The following PLEKHA4 variants were observed in gnomAD, a reference collection of about 807,000 sequenced individuals.
PLEKHA4 encodes the protein pleckstrin homology domain-containing family A member 4.
In PLEKHA4, 73 loss-of-function variants were observed where a neutral mutation model predicts 94.7. The ratio of observed to expected loss-of-function variants is 0.77; its 90% CI spans 0.64 to 0.94. The LOEUF is 0.94. Ranked by LOEUF, PLEKHA4 falls within the 40% of genes least tolerant of loss-of-function variation. PLEKHA4 has a pLI of 0.00. For missense variants in PLEKHA4, 1,049 were observed against 1,054.1 expected, an observed-to-expected ratio of 1.00 and a Z score of 0.07; for synonymous variants, 449 against 437.1, an observed-to-expected ratio of 1.03 and a Z score of -0.34.
intron 3 of PLEKHA4, among the ~76,000 whole-genome samples, chr19:48,865,202 G>A (rs919477581): frequency 1.3e-5 from 2 of 151,994 alleles, no homozygotes; most frequent in Non-Finnish European, 2.9e-5. Flanking sequence ...ATATTAGCTA[G>A]GCATGATGGT....
Position 48,845,709 on chromosome 19 carries a change from G to A in PLEKHA4, c.1567-93C>T, listed in dbSNP as rs1013840778. The A allele has an allele frequency of 9.2e-6, 10 of 1,086,056 alleles. No individual in the cohort carries two copies. In the African/African-American group the frequency reaches 1.6e-4, roughly 17 times the overall value. The allele number at this position is 1,086,056 out of a possible 1,614,324, so 67.3% of individuals were successfully genotyped here. Reference sequence around the variant, plus strand: ...GCATTTAGGCATTGGAATACAGTCTGAATAGGATTCAGACCATAAACCAGG... The same window carrying A: ...GCATTTAGGCATTGGAATACAGTCTAAATAGGATTCAGACCATAAACCAGG... On this transcript the variant is annotated intron_variant, in intron 14 of 19. Coordinates refer to ENST00000263265, the MANE Select transcript of PLEKHA4 (RefSeq NM_020904.3).
rs1472870392 is a variant in PLEKHA4 at position 48,857,456 on chromosome 19, C to T, written c.1013G>A (p.Arg338Gln). 2 of 1,564,202 alleles carry T rather than the reference C, an allele frequency of 1.3e-6. No individual in the cohort carries two copies. The highest frequency in any genetic ancestry group is 1.7e-6 in the Non-Finnish European group (2 of 1,161,148). ...GSPTYLQLPP[R>Q]PPGTRASMVL... ...CATGGAGGCCCGGGTCCCAGGGGGC[C>T]GCGGGGGGAGCTGGAGATAAGTGGG... is the stretch of plus-strand genomic sequence containing the variant. Residue 338 changes from arginine (R) to glutamine (Q), a missense_variant, in exon 9 of 20, where the codon CGG (arginine) becomes CAG (glutamine). By Grantham distance (43) the Arg-to-Gln change is conservative. Coordinates refer to ENST00000263265, the MANE Select transcript of PLEKHA4 (RefSeq NM_020904.3).
intron 14 of PLEKHA4, among the ~76,000 whole-genome samples, chr19:48,846,070 T>C (rs987363158): frequency 1.3e-5 from 2 of 149,708 alleles, no homozygotes; most frequent in African/African-American, 4.9e-5. Context: ...GTGCTTGTAA[T>C]CTCAGCCCTT....
Position 48,854,085 on chromosome 19 carries a change from C to T in PLEKHA4, c.1098G>A (p.Thr366=), listed in dbSNP as rs16982323. Residue 366 remains threonine, a splice_region_variant and synonymous_variant, in exon 11 of 20, where the codon ACG becomes ACA. Coordinates refer to ENST00000263265, the MANE Select transcript of PLEKHA4 (RefSeq NM_020904.3). The stretch of plus-strand genomic sequence containing the variant: ...CCTGCCCGCACAACTTGGTCAGCAG[C>T]GTCTGGAGAAAGGAGAGCGGGAGCT... ...STFHQSLETD[T]LLTKLCGQDR... 2.1e-3 allele frequency: 3,352 copies of T among 1,614,132 alleles called. 63 individuals carry two copies. The African/African-American group carries it at 0.04, about 19-fold the overall frequency.
chr19:48,851,922 C>T (rs2123026678), intron 13 of PLEKHA4, among the ~76,000 whole-genome samples: 1 of 152,156 alleles, frequency 6.6e-6, no homozygotes, highest in South Asian at 2.1e-4. Flanking sequence ...CCAGCCTGGG[C>T]GACAGAGTGA....
At chr19:48,851,265 A>G (rs8113324) in intron 13 of PLEKHA4, among the ~76,000 whole-genome samples, 22,027 of 152,220 alleles carry the variant, frequency 0.14, 2,025 homozygotes, top group African/African-American at 0.26. Flanking sequence ...GTACCAAAAT[A>G]TCTTATGCAC....
At chr19:48,866,464 G>A (rs112464675) in intron 2 of PLEKHA4, among the ~76,000 whole-genome samples, 1 of 152,086 alleles carries the variant, frequency 6.6e-6, no homozygotes, top group East Asian at 1.9e-4. Flanking sequence ...GTGCCACCAC[G>A]CCTGGCTAAT....
chr19:48,857,740 A>C (rs1324894331), intron 8 of PLEKHA4, among the ~76,000 whole-genome samples: 1 of 150,132 alleles, frequency 6.7e-6, no homozygotes, highest in East Asian at 1.9e-4. Context: ...AGTCATCACC[A>C]CTCCCTAATC....
At chr19:48,841,557 G>A (rs957626688) in intron 16 of PLEKHA4, among the ~76,000 whole-genome samples, 1 of 152,036 alleles carries the variant, frequency 6.6e-6, no homozygotes, top group Admixed American at 6.6e-5. Flanking sequence ...AACCCCAGAG[G>A]TGGAGGTTGC....
At chr19:48,853,079 G>C (rs2036260839) in intron 12 of PLEKHA4, among the ~76,000 whole-genome samples, 1 of 152,174 alleles carries the variant, frequency 6.6e-6, no homozygotes, top group South Asian at 2.1e-4. Flanking sequence ...TAATTCCTAT[G>C]AGGTAGTTAC....
chr19:48,858,939 C>A lies in PLEKHA4; in HGVS notation c.893G>T (p.Arg298Leu). The A allele has an allele frequency of 6.3e-7, 1 of 1,597,676 alleles. No individual in the cohort carries two copies. Residue 298 changes from arginine to leucine, a missense_variant, in exon 8 of 20, where the codon CGC (arginine) becomes CTC (leucine). By Grantham distance (102) the Arg-to-Leu change is moderately radical. Coordinates refer to ENST00000263265, the MANE Select transcript of PLEKHA4 (RefSeq NM_020904.3). ...RQTLSRPPTP[R>L]RGPPSEAGGG... ...CCCAGCCTCAGAGGGAGGTCCTCGG[C>A]GGGGAGTAGGGGGTCGGGAGAGGGT...
At chr19:48,861,752 G>T (rs1347193900) in intron 3 of PLEKHA4, 60 bp from the exon 4 acceptor site, 2 of 1,453,206 alleles carry the variant, frequency 1.4e-6, no homozygotes, top group African/African-American at 2.8e-5. Context: ...GGGGATGAAG[G>T]CAGTGACGAT....
At chr19:48,854,657 G>A (rs1430808058) in intron 9 of PLEKHA4, among the ~76,000 whole-genome samples, 1 of 147,624 alleles carries the variant, frequency 6.8e-6, no homozygotes, top group Admixed American at 6.8e-5. Context: ...CTCCCAAAGT[G>A]CTGGGATTAT....
rs1432253039 is a variant in PLEKHA4, at chr19:48,845,593, C to T, written c.1590G>A (p.Leu530=). 4 of 1,601,106 alleles carry T rather than the reference C, an allele frequency of 2.5e-6. No individual in the cohort carries two copies. In the Admixed American group the frequency reaches 7.0e-5, roughly 28 times the overall value. ...ERESLPESLE[L]SSPRSPETDW... ...CAGTCTCGGGGGACCTAGGGGAGCT[C>T]AGTTCCAAGGACTCTGGCAGGCTCT... is the stretch of plus-strand genomic sequence containing the variant. The change falls in exon 15 of 20, where the codon CTG becomes CTA. Residue 530 remains leucine (L), a synonymous_variant. Coordinates refer to ENST00000263265, the MANE Select transcript of PLEKHA4 (RefSeq NM_020904.3).
At chr19:48,839,140 C>T (rs1001191812) in intron 18 of PLEKHA4, 65 bp downstream of exon 18, 35 of 1,131,702 alleles carry the variant, frequency 3.1e-5, no homozygotes, top group Non-Finnish European at 4.1e-5. Context: ...AATAATAATG[C>T]TACTCCCCTT....
At chr19:48,838,766 CA>C (rs58253636) in intron 18 of PLEKHA4, among the ~76,000 whole-genome samples, 20,798 of 102,406 alleles carry the variant, frequency 0.2, 1,843 homozygotes, top group African/African-American at 0.32. Context: ...GACTCCGTCT[CA>C]AAAAAAAAAA....
In PLEKHA4 at chr19:48,868,082, C is replaced by G. The variant is rs1327508104; in HGVS notation, c.-7+1G>C. 1 of 164,348 alleles carries G rather than the reference C, an allele frequency of 6.1e-6. No homozygotes were observed. Among genetic ancestry groups the G allele is most frequent in the Non-Finnish European group, 1.3e-5 (1 of 74,520 alleles). 10.2% of individuals were successfully genotyped at this position (164,348 alleles called of 1,614,324 possible). ...CCTCCCAGCCCAGCCAGGGAACTTA[C>G]CCAGCTCTGGGGTCCCAGTGACGGG... On this transcript the variant is annotated splice_donor_variant, in intron 1 of 19. Transcript: ENST00000263265. LOFTEE classifies it low-confidence loss of function (5UTR_SPLICE).
At chr19:48,862,204 C>CTTTTTT (rs747491446) in intron 3 of PLEKHA4, among the ~76,000 whole-genome samples, 14,348 of 135,010 alleles carry the variant, frequency 0.11, 1,090 homozygotes, top group Non-Finnish European at 0.16. Flanking sequence ...TTTTCTCTCT[C>CTTTTTT]TTTTTTTTTT....
At chr19:48,854,383 T>TTTAA (rs1393027841) in intron 9 of PLEKHA4, 119 bp from the exon 10 acceptor site, 2 of 895,702 alleles carry the variant, frequency 2.2e-6, no homozygotes, top group African/African-American at 3.4e-5. Context: ...TATTTATTTA[T>TTTAA]TTAGAGATAG....
Sources: gnomAD v4.1 joint callset for allele counts (sites outside exome capture counted in the v4.1 genomes callset) on GRCh38, gnomAD v4.1.1 for gene constraint, MANE v1.5 for transcripts, NCBI Gene and HGNC (gene_info 2026-07-23, HGNC 2026-07-21) for gene names.